ASRGL1: variants seen among roughly 807,000 people sequenced by gnomAD.
ASRGL1 encodes asparaginase and isoaspartyl peptidase 1.
Under a neutral mutation model 22.4 loss-of-function variants are expected in ASRGL1, and 16 were observed. The ratio of observed to expected loss-of-function variants is 0.71; its 90% CI spans 0.48 to 1.08. The LOEUF is 1.08. Ranked by LOEUF, ASRGL1 falls within the 50% of genes least tolerant of loss-of-function variation. The pLI is 0.00. For synonymous variants in ASRGL1, 165 were observed against 159.3 expected, an observed-to-expected ratio of 1.04 and a Z score of -0.27; for missense variants, 412 against 410.1, an observed-to-expected ratio of 1.00 and a Z score of -0.04.
chr11:62,366,711 AT>A (rs1946619285), intron 4 of ASRGL1, among the ~76,000 whole-genome samples: 1 of 151,268 alleles, frequency 6.6e-6, no homozygotes, highest in African/African-American at 2.4e-5. Flanking sequence ...GGATTTCTCT[AT>A]GTTGCTCAGG....
chr11:62,363,135 A>G (rs1946524731), intron 4 of ASRGL1, among the ~76,000 whole-genome samples: 1 of 151,150 alleles, frequency 6.6e-6, no homozygotes. Flanking sequence ...GGGTTTCACC[A>G]TGTTAGCCAG....
rs57501048 is a variant in ASRGL1 at position 62,362,813 on chromosome 11, TACAC to T, written c.491+5697_491+5700del. On this transcript the variant is annotated intron_variant, in intron 4 of 6. Coordinates refer to ENST00000415229, the MANE Select transcript of ASRGL1 (RefSeq NM_001083926.2). The stretch of plus-strand genomic sequence containing the variant: ...GGAGTATCTACTTGCTTATCTGACA[TACAC>T]ACACACACACACACACACACACACA... 5.3e-3 allele frequency among the ~76,000 whole-genome samples: 444 copies of T among 83,832 alleles called. 6 individuals carry two copies. Among genetic ancestry groups the T allele is most frequent in the African/African-American group, 0.014 (320 of 22,300 alleles). The allele number at this position is 83,832 out of a possible 152,430, so 55.0% of individuals were successfully genotyped here.
chr11:62,358,559 C>T (rs1470910386), intron 4 of ASRGL1, among the ~76,000 whole-genome samples: 3 of 152,188 alleles, frequency 2.0e-5, no homozygotes, highest in African/African-American at 7.2e-5. Flanking sequence ...CCAGCCACTG[C>T]TGCTTTACAC....
intron 4 of ASRGL1, among the ~76,000 whole-genome samples, chr11:62,361,064 A>G (rs1282811617): frequency 6.6e-6 from 1 of 152,226 alleles, no homozygotes; most frequent in East Asian, 1.9e-4. Context: ...GACAAAAATA[A>G]TGAAAGTAAT....
intron 2 of ASRGL1, 78 bp downstream of exon 2, chr11:62,338,245 GT>G: frequency 7.4e-7 from 1 of 1,353,528 alleles, no homozygotes. Context: ...CCTACATAGT[GT>G]TAGGGAATCT....
chr11:62,381,883 C>T (rs371155363), intron 4 of ASRGL1: 1 of 152,920 alleles, frequency 6.5e-6, no homozygotes, highest in Non-Finnish European at 1.5e-5. Flanking sequence ...TGACCACGCT[C>T]TAGCTCACCT....
intron 2 of ASRGL1, among the ~76,000 whole-genome samples, 184 bp from the exon 3 acceptor site, chr11:62,356,141 C>G (rs1351956347): frequency 6.6e-6 from 1 of 152,240 alleles, no homozygotes; most frequent in Non-Finnish European, 1.5e-5. Context: ...GTTGGGTACA[C>G]CTCCCAGACA....
intron 4 of ASRGL1, chr11:62,371,062 T>A: frequency 5.9e-6 from 3 of 507,646 alleles, no homozygotes; most frequent in Non-Finnish European, 9.7e-6. Context: ...AAAAAAGCCC[T>A]CCGATCCGTC....
chr11:62,383,913 C>CAA (rs35068655), intron 4 of ASRGL1, among the ~76,000 whole-genome samples: 45,900 of 121,872 alleles, frequency 0.38, 9,272 homozygotes, highest in Middle Eastern at 0.5. Context: ...GAGTTGGTCT[C>CAA]AAAAAAAAAA....
rs140367334 is a variant in ASRGL1 at position 62,377,463 on chromosome 11, C to T, written c.492-11670C>T. Among the ~76,000 whole-genome samples the T allele has an allele frequency of 3.5e-3, 540 of 152,236 alleles. 9 individuals carry two copies. Among genetic ancestry groups the T allele is most frequent in the African/African-American group, 0.012 (503 of 41,518 alleles). ...CTGCAACCAACTCAGCTCTTTGAGC[C>T]GATTGATAATGAGTTTTGATTACTT... is the stretch of plus-strand genomic sequence containing the variant. On this transcript the variant is annotated intron_variant, in intron 4 of 6. Coordinates refer to ENST00000415229, the MANE Select transcript of ASRGL1 (RefSeq NM_001083926.2).
chr11:62,366,666 TC>T (rs1275704094), intron 4 of ASRGL1, among the ~76,000 whole-genome samples: 1 of 152,180 alleles, frequency 6.6e-6, no homozygotes, highest in African/African-American at 2.4e-5. Flanking sequence ...CATTGTTTTT[TC>T]TTTTACTTTT....
chr11:62,352,925 A>G (rs917889507), intron 2 of ASRGL1, among the ~76,000 whole-genome samples: 6 of 152,068 alleles, frequency 3.9e-5, no homozygotes, highest in Non-Finnish European at 1.5e-5. Context: ...GTTTAGTCCT[A>G]TTTAGGGCTT....
intron 2 of ASRGL1, among the ~76,000 whole-genome samples, chr11:62,353,734 G>A (rs910720476): frequency 6.6e-6 from 1 of 152,100 alleles, no homozygotes; most frequent in African/African-American, 2.4e-5. Flanking sequence ...AGGTTGAGAT[G>A]TTCTTGGTTC....
intron 4 of ASRGL1, chr11:62,382,876 C>T (rs1947106952): frequency 6.6e-6 from 1 of 152,232 alleles, no homozygotes; most frequent in African/African-American, 2.4e-5. Flanking sequence ...TGCCTTCAAG[C>T]ACTTTTTTAA....
At chr11:62,364,520 C>T (rs1224431642) in intron 4 of ASRGL1, among the ~76,000 whole-genome samples, 3 of 152,114 alleles carry the variant, frequency 2.0e-5, no homozygotes, top group Non-Finnish European at 4.4e-5. Flanking sequence ...ATGAAATCAC[C>T]ATTTAGTAAA....
intron 4 of ASRGL1, among the ~76,000 whole-genome samples, chr11:62,381,081 C>T (rs1433810082): frequency 3.9e-5 from 6 of 152,068 alleles, no homozygotes; most frequent in Non-Finnish European, 8.8e-5. Context: ...AGGCTACTGG[C>T]GGTTGGGTCT....
chr11:62,397,324 G>A (rs1025277910), downstream of ASRGL1, among the ~76,000 whole-genome samples: 4 of 151,070 alleles, frequency 2.6e-5, no homozygotes, highest in African/African-American at 4.9e-5. Context: ...CACCGTGCCC[G>A]GCCAAGAATA....
intron 2 of ASRGL1, among the ~76,000 whole-genome samples, chr11:62,353,644 A>G (rs1946215711): frequency 6.6e-6 from 1 of 152,080 alleles, no homozygotes; most frequent in Non-Finnish European, 1.5e-5. Flanking sequence ...TGCCTGGCCA[A>G]TGGCTGCTTT....
intron 4 of ASRGL1, chr11:62,371,998 C>T: frequency 4.4e-6 from 3 of 674,996 alleles, no homozygotes; most frequent in Non-Finnish European, 8.0e-6. Flanking sequence ...AAGCTGCGTA[C>T]GGCAATATCC....
Sources: allele counts gnomAD v4.1 joint callset (sites outside exome capture counted in the v4.1 genomes callset), GRCh38; gene constraint gnomAD v4.1.1; transcripts MANE v1.5; gene names NCBI Gene and HGNC (gene_info 2026-07-23, HGNC 2026-07-21).